Variants in ZCCHC14 observed in about 807,000 individuals in gnomAD.
ZCCHC14 encodes zinc finger CCHC domain-containing protein 14.
ZCCHC14 carries 16 observed loss-of-function variants against 85.0 expected under a neutral mutation model. The ratio of observed to expected loss-of-function variants is 0.19; its 90% CI spans 0.13 to 0.29. ZCCHC14 has a LOEUF of 0.29. ZCCHC14 is among the 10% of genes least tolerant of loss of function. The probability of loss-of-function intolerance (pLI) is 1.00; values close to 1 mark genes in which losing one functional copy is unlikely to be tolerated. For missense variants in ZCCHC14, 1,303 were observed against 1,443.5 expected (o/e 0.90, Z 1.58); for synonymous variants, 775 against 630.7 (o/e 1.23, Z -3.43).
chr16:87,470,631 C>G (rs1911735207), intron 1 of ZCCHC14: 1 of 152,156 alleles, frequency 6.6e-6, no homozygotes. Context: ...GGAGATTTAT[C>G]TCAGCTTGAG....
rs1912803666 is a variant in ZCCHC14, at chr16:87,492,301, C to A, written c.-63G>T. 1 of 914,244 alleles carries A rather than the reference C, an allele frequency of 1.1e-6. No homozygotes were observed. 56.6% of individuals were successfully genotyped at this position (914,244 alleles called of 1,614,324 possible). On this transcript the variant is annotated 5_prime_UTR_variant, in exon 1 of 13. Coordinates refer to ENST00000671377, the MANE Select transcript of ZCCHC14 (RefSeq NM_015144.3). The surrounding 1 kb of genome is among the most constrained non-coding windows in gnomAD (Gnocchi z 6.7). ...ACCGCGCGGGGGCGGCCGGGGGGCG[C>A]CGGGGGCCGCGGCCGGGGCGCGCCG...
intron 2 of ZCCHC14, among the ~76,000 whole-genome samples, chr16:87,438,098 C>T (rs1462922589): frequency 3.3e-5 from 5 of 152,270 alleles, no homozygotes; most frequent in Middle Eastern, 3.2e-3. Flanking sequence ...CAGCAACCCA[C>T]CCACAAAGCG....
intron 2 of ZCCHC14, among the ~76,000 whole-genome samples, chr16:87,435,854 T>C (rs990479483): frequency 1.3e-5 from 2 of 152,278 alleles, no homozygotes; most frequent in African/African-American, 4.8e-5. Context: ...ATTTAGAGGC[T>C]ACACAGCCCT....
chr16:87,467,472 T>A lies in ZCCHC14; in HGVS notation c.571-7341A>T, dbSNP rs13331365. On this transcript the variant is annotated intron_variant, in intron 1 of 12. Coordinates refer to ENST00000671377, the MANE Select transcript of ZCCHC14 (RefSeq NM_015144.3). ...CATTTCTGTTCACGGTGTGAGTACC[T>A]CTGGAGGACAGATGTACCACTATGA... 10,246 of 1,606,634 alleles carry A rather than the reference T, an allele frequency of 6.4e-3. 601 individuals are homozygous for A. The African/African-American group carries it at 0.12, about 19-fold the overall frequency.
intron 3 of ZCCHC14, among the ~76,000 whole-genome samples, chr16:87,428,321 G>C (rs1909478192): frequency 6.6e-6 from 1 of 152,150 alleles, no homozygotes; most frequent in Non-Finnish European, 1.5e-5. Context: ...ATAAGTGAAA[G>C]TTTTTAGAAA....
intron 1 of ZCCHC14, among the ~76,000 whole-genome samples, chr16:87,480,364 C>G (rs559711366): frequency 1.2e-4 from 18 of 152,128 alleles, no homozygotes; most frequent in African/African-American, 4.3e-4. Context: ...GATTGCGCCA[C>G]TGCACTCCAG....
rs1234236737 is a variant in ZCCHC14 at position 87,411,837 on chromosome 16, A to C, written c.2884T>G (p.Leu962Val). 1 of 1,610,806 alleles carries C rather than the reference A, an allele frequency of 6.2e-7. No homozygotes were observed. Among genetic ancestry groups the C allele is most frequent in the Non-Finnish European group, 8.5e-7 (1 of 1,178,806 alleles). ...CTGCTGCACATGGGACTGAAGGGCA[A>C]GAAGGGGAAGGTGAACACGGACGGA... ...SGPSVFTFPF[L>V]PFSPMCSSGY... The change falls in exon 12 of 13, where the codon TTG becomes GTG. Residue 962 changes from leucine (L) to valine (V), a missense_variant. This residue lies in a region of ZCCHC14 where 797 missense variants were observed against 730.8 expected (regional missense o/e 1.09). Coordinates refer to ENST00000671377, the MANE Select transcript of ZCCHC14 (RefSeq NM_015144.3).
At chr16:87,459,752 G>A (rs531419892) in intron 2 of ZCCHC14, among the ~76,000 whole-genome samples, 35 of 152,096 alleles carry the variant, frequency 2.3e-4, no homozygotes, top group Non-Finnish European at 1.9e-4. Flanking sequence ...CAGGTGATCC[G>A]CCCACCTCAG....
chr16:87,443,101 T>C (rs1206862496), intron 2 of ZCCHC14, among the ~76,000 whole-genome samples: 1 of 152,242 alleles, frequency 6.6e-6, no homozygotes, highest in Non-Finnish European at 1.5e-5. Context: ...ATTCCGCTTT[T>C]GAGTTGTTCA....
intron 2 of ZCCHC14, among the ~76,000 whole-genome samples, chr16:87,439,581 T>G (rs192571380): frequency 1.6e-4 from 24 of 152,354 alleles, no homozygotes; most frequent in Admixed American, 1.4e-3. Context: ...AATCTTGAGA[T>G]AGACACCTCA....
intron 1 of ZCCHC14, among the ~76,000 whole-genome samples, chr16:87,490,708 G>A (rs1912714826): frequency 6.6e-6 from 1 of 152,316 alleles, no homozygotes; most frequent in South Asian, 2.1e-4. Flanking sequence ...AGGTTTCACG[G>A]GCATTTAAGG....
chr16:87,440,454 C>A (rs574810063), intron 2 of ZCCHC14, among the ~76,000 whole-genome samples: 1 of 152,048 alleles, frequency 6.6e-6, no homozygotes, highest in African/African-American at 2.4e-5. Flanking sequence ...CATGAGCCAC[C>A]GTGCCCAGCT....
At chr16:87,483,160 T>A (rs1185702309) in intron 1 of ZCCHC14, among the ~76,000 whole-genome samples, 1 of 151,720 alleles carries the variant, frequency 6.6e-6, no homozygotes, top group Non-Finnish European at 1.5e-5. Flanking sequence ...ACGGAGTTTC[T>A]AAAAACTAAG....
intron 1 of ZCCHC14, chr16:87,472,650 A>G (rs115718484): frequency 6.6e-6 from 1 of 152,328 alleles, no homozygotes; most frequent in Non-Finnish European, 1.5e-5. Flanking sequence ...CAACAACCCA[A>G]TCTCAACAAT....
At chr16:87,423,717 G>T in intron 4 of ZCCHC14, 93 bp downstream of exon 4, 1 of 1,427,074 alleles carries the variant, frequency 7.0e-7, no homozygotes, top group Non-Finnish European at 9.8e-7. Flanking sequence ...CTCGCTAGCT[G>T]AAGGGAGTGG....
chr16:87,414,661 A>G, intron 9 of ZCCHC14, 120 bp from the exon 10 acceptor site: 1 of 1,363,356 alleles, frequency 7.3e-7, no homozygotes, highest in African/African-American at 1.5e-5. Context: ...CGACTTCGAG[A>G]TGGGTCTACT....
intron 2 of ZCCHC14, among the ~76,000 whole-genome samples, chr16:87,452,827 C>G (rs1360303325): frequency 2.6e-5 from 4 of 152,170 alleles, no homozygotes; most frequent in Non-Finnish European, 5.9e-5. Flanking sequence ...GGTGCTGAGG[C>G]TGGGGTGAGT....
intron 1 of ZCCHC14, chr16:87,471,595 C>CA (rs1340304597): frequency 6.6e-6 from 1 of 152,322 alleles, no homozygotes; most frequent in Admixed American, 6.5e-5. Context: ...TGCCCACCCG[C>CA]GGGGGCTTCC....
chr16:87,488,408 TG>T (rs1180567366), intron 1 of ZCCHC14, among the ~76,000 whole-genome samples: 1 of 152,188 alleles, frequency 6.6e-6, no homozygotes, highest in Non-Finnish European at 1.5e-5. Context: ...GTGTGGCTAC[TG>T]GAAGTATTTT....
Sources: allele counts gnomAD v4.1 joint callset (sites outside exome capture counted in the v4.1 genomes callset), GRCh38; gene constraint gnomAD v4.1.1; regional missense constraint gnomAD v4.1.1; non-coding constraint Gnocchi (gnomAD v3.1); transcripts MANE v1.5; gene names NCBI Gene and HGNC (gene_info 2026-07-23, HGNC 2026-07-21).